CREBBP: variants seen among roughly 807,000 people sequenced by gnomAD.
The protein encoded by CREBBP is CREB-binding protein.
CREBBP carries 19 observed loss-of-function variants against 265.0 expected under a neutral mutation model. The observed-to-expected ratio is 0.07, with a 90% CI of 0.05 to 0.11. The LOEUF is 0.11. Among genes scored for constraint, CREBBP ranks in the 10% least tolerant of loss-of-function variants. The pLI is 1.00. For missense variants in CREBBP, 2,525 were observed against 3,219.0 expected (o/e 0.78, Z 5.22); for synonymous variants, 1,457 against 1,223.7 (o/e 1.19, Z -3.98).
At chr16:3,762,601 C>A (rs560427551) in intron 16 of CREBBP, among the ~76,000 whole-genome samples, 1 of 152,220 alleles carries the variant, frequency 6.6e-6, no homozygotes, top group South Asian at 2.1e-4. Context: ...GGCCCGAGGA[C>A]CTGCTCCACG....
chr16:3,736,961 G>T, intron 26 of CREBBP, 146 bp from the exon 27 acceptor site: 1 of 1,013,950 alleles, frequency 9.9e-7, no homozygotes, highest in Non-Finnish European at 1.5e-6. Context: ...TGGGTGTGGT[G>T]GGGGCAAGGC....
intron 3 of CREBBP, among the ~76,000 whole-genome samples, chr16:3,806,093 G>T (rs1395331623): frequency 2.0e-5 from 3 of 152,190 alleles, no homozygotes; most frequent in Non-Finnish European, 2.9e-5. Context: ...CCATGGACAG[G>T]TGCTGAGACA....
chr16:3,804,520 C>T (rs1019735689), intron 3 of CREBBP, among the ~76,000 whole-genome samples: 2 of 152,166 alleles, frequency 1.3e-5, no homozygotes, highest in African/African-American at 2.4e-5. Flanking sequence ...TAGCTCACAC[C>T]GCTCCAGAGG....
rs2141202776 is a variant in CREBBP, at chr16:3,770,836, T to C, written c.2614A>G (p.Thr872Ala). ...GGAGGAGTCATCCCAGGTGGTGTCG[T>C]GTGCTGGAGAGATGGCATGCCAGCA... Reference protein sequence around the residue: ...TAAGMPSLQHTTPPGMTPPQP... With the variant: ...TAAGMPSLQHATPPGMTPPQP... Residue 872 changes from threonine (T) to alanine (A), a missense_variant, in exon 14 of 31, where the codon ACG (threonine) becomes GCG (alanine). Transcript: ENST00000262367. 1 of 1,613,854 alleles carries C rather than the reference T, an allele frequency of 6.2e-7. No homozygotes were observed.
intron 2 of CREBBP, among the ~76,000 whole-genome samples, chr16:3,824,745 G>A (rs1160429124): frequency 6.6e-6 from 1 of 152,170 alleles, no homozygotes; most frequent in African/African-American, 2.4e-5. Flanking sequence ...TGCCAAGCAG[G>A]CCGGTGCTTC....
chr16:3,738,350 G>T (rs2052121774), intron 26 of CREBBP, among the ~76,000 whole-genome samples: 1 of 151,434 alleles, frequency 6.6e-6, no homozygotes, highest in Non-Finnish European at 1.5e-5. Context: ...AGGAAGTAAA[G>T]GTAGGGAAAG....
At position 3,865,806 on chromosome 16, in the gene CREBBP, T is replaced by G. The variant is rs568435860; in HGVS notation, c.85+14026A>C. On this transcript the variant is annotated intron_variant, in intron 1 of 30. Transcript: ENST00000262367. Reference sequence around the variant, plus strand: ...GGTGCACGCCATCACACCCGGCTAATTTTTGTATTTTAGTAGAGACGGGGT... The same window carrying G: ...GGTGCACGCCATCACACCCGGCTAAGTTTTGTATTTTAGTAGAGACGGGGT... Among the ~76,000 whole-genome samples the G allele has an allele frequency of 3.2e-3, 488 of 152,242 alleles. 2 individuals are homozygous for G. The highest frequency in any genetic ancestry group is 4.6e-3 in the Non-Finnish European group (313 of 68,002).
intron 2 of CREBBP, among the ~76,000 whole-genome samples, chr16:3,842,477 A>G (rs776727614): frequency 6.6e-6 from 1 of 152,224 alleles, no homozygotes; most frequent in South Asian, 2.1e-4. Context: ...TGCTCCCCTC[A>G]TAAGACGAAA....
Position 3,731,530 on chromosome 16 carries a change from A to G in CREBBP, c.4891-57T>C, listed in dbSNP as rs2051916290. On this transcript the variant is annotated intron_variant, in intron 29 of 30. Transcript: ENST00000262367. This position sits in a 1 kb window ranked among gnomAD's most constrained non-coding sequence, Gnocchi z 7.7. ...AAGGGACATGGCACCTCCAGTGGTG[A>G]GCTCAGGGCAGGCGCAGCCACCCAG... The G allele has an allele frequency of 1.3e-6, 2 of 1,549,164 alleles. No individual in the cohort carries two copies. The highest frequency in any genetic ancestry group is 1.7e-6 in the Non-Finnish European group (2 of 1,149,794).
At chr16:3,735,130 T>C (rs1215039520) in intron 28 of CREBBP, among the ~76,000 whole-genome samples, 3 of 151,886 alleles carry the variant, frequency 2.0e-5, no homozygotes, top group African/African-American at 4.8e-5. Context: ...GCCTGGCGGG[T>C]CCTCTTCCAG....
At position 3,851,758 on chromosome 16, in the gene CREBBP, G is replaced by A. The variant is rs1254631000; in HGVS notation, c.86-749C>T. 2.0e-5 allele frequency among the ~76,000 whole-genome samples: 3 copies of A among 150,738 alleles called. No individual in the cohort carries two copies. The East Asian group carries it at 5.9e-4, about 30-fold the overall frequency. On this transcript the variant is annotated intron_variant, in intron 1 of 30. Coordinates refer to ENST00000262367, the MANE Select transcript of CREBBP (RefSeq NM_004380.3). ...AGTCCCAGCTACTCGGGAGGCTGAG[G>A]CAGGAGAATGGCGTGAACCCGGGAA...
Position 3,793,637 on chromosome 16 carries a change from G to C in CREBBP, c.976-11C>G. The C allele has an allele frequency of 6.2e-7, 1 of 1,611,918 alleles. No homozygotes were observed. The highest frequency in any genetic ancestry group is 8.5e-7 in the Non-Finnish European group (1 of 1,179,666). ...TGTTTGCATCTGAGACTAAAATAAA[G>C]CAAAATAATAAAAATACTTTAACCT... is the stretch of plus-strand genomic sequence containing the variant. On this transcript the variant is annotated splice_polypyrimidine_tract_variant and intron_variant, in intron 3 of 30. Coordinates refer to ENST00000262367, the MANE Select transcript of CREBBP (RefSeq NM_004380.3).
At position 3,729,879 on chromosome 16, in the gene CREBBP, A is replaced by G; in HGVS notation, c.5173-5T>C. 2 of 1,600,448 alleles carry G rather than the reference A, an allele frequency of 1.2e-6. No homozygotes were observed. Among genetic ancestry groups the G allele is most frequent in the South Asian group, 2.2e-5 (2 of 91,064 alleles). On this transcript the variant is annotated splice_region_variant and splice_polypyrimidine_tract_variant and intron_variant, in intron 30 of 30. Transcript: ENST00000262367. ...GTTGATGCAGAGGTCGTAGTCCTGC[A>G]AGCAAGGAAAGGGGACAGGCCGGTG...
chr16:3,807,891 C>T (rs1471645156), intron 3 of CREBBP, among the ~76,000 whole-genome samples: 2 of 152,172 alleles, frequency 1.3e-5, no homozygotes, highest in African/African-American at 4.8e-5. Context: ...CACAAAGGCA[C>T]ACGTGGGCAC....
Position 3,776,042 on chromosome 16 carries a change from G to A in CREBBP, c.2159-1349C>T, listed in dbSNP as rs1032927735. Among the ~76,000 whole-genome samples the A allele has an allele frequency of 1.8e-4, 28 of 151,970 alleles. 1 individual carries two copies. Among genetic ancestry groups the A allele is most frequent in the Non-Finnish European group, 3.7e-4 (25 of 68,018 alleles). On this transcript the variant is annotated intron_variant, in intron 11 of 30. Transcript: ENST00000262367. ...AGCAATTCTCCTGCCTCAGCCTCCCGCGTAGCTGGGATTACAGGTGTGCAC... is the reference window on the plus strand; with the variant it reads ...AGCAATTCTCCTGCCTCAGCCTCCCACGTAGCTGGGATTACAGGTGTGCAC...
rs755991014 is a variant in CREBBP, at chr16:3,778,004, T to A, written c.2113+7A>T. 1 of 1,614,094 alleles carries A rather than the reference T, an allele frequency of 6.2e-7. No individual in the cohort carries two copies. Among genetic ancestry groups the A allele is most frequent in the Non-Finnish European group, 8.5e-7 (1 of 1,179,966 alleles). On this transcript the variant is annotated splice_region_variant and intron_variant, in intron 10 of 30. Transcript: ENST00000262367. The stretch of plus-strand genomic sequence containing the variant: ...TAAGGGATGGCAGTAGGAAATAAAA[T>A]CCTTACTTGGAGGTCTCACAGGTTG...
chr16:3,818,837 G>A (rs569948101), intron 2 of CREBBP, among the ~76,000 whole-genome samples: 2 of 152,322 alleles, frequency 1.3e-5, no homozygotes, highest in South Asian at 2.1e-4. Flanking sequence ...AAGACAAGTG[G>A]AGAAATAAGA....
intron 9 of CREBBP, among the ~76,000 whole-genome samples, 200 bp downstream of exon 9, chr16:3,778,500 C>A (rs183800532): frequency 6.5e-4 from 99 of 152,322 alleles, no homozygotes; most frequent in African/African-American, 2.3e-3. Flanking sequence ...TTATATACTC[C>A]ATGCACCAAT....
chr16:3,797,195 G>C (rs750926992), intron 3 of CREBBP, among the ~76,000 whole-genome samples: 7 of 152,182 alleles, frequency 4.6e-5, no homozygotes, highest in Admixed American at 6.5e-5. Flanking sequence ...AGCCATCGTG[G>C]TGGAAGCTGC....
Sources: gnomAD v4.1 joint callset for allele counts (sites outside exome capture counted in the v4.1 genomes callset) on GRCh38, gnomAD v4.1.1 for gene constraint, Gnocchi (gnomAD v3.1) non-coding constraint, MANE v1.5 for transcripts, NCBI Gene and HGNC (gene_info 2026-07-23, HGNC 2026-07-21) for gene names.